HCN1: variants seen among roughly 807,000 people sequenced by gnomAD.
HCN1 encodes potassium/sodium hyperpolarization-activated cyclic nucleotide-gated channel 1.
Under a neutral mutation model 78.9 loss-of-function variants are expected in HCN1, and 13 were observed. That is an observed-to-expected ratio of 0.16 (90% CI 0.11 to 0.26). The LOEUF (loss-of-function observed/expected upper bound fraction) is 0.26, where lower values mean the gene tolerates loss of function less well. Ranked by LOEUF, HCN1 falls within the 10% of genes least tolerant of loss-of-function variation. The probability of loss-of-function intolerance (pLI) is 1.00; values close to 1 mark genes in which losing one functional copy is unlikely to be tolerated. For synonymous variants in HCN1, 552 were observed against 455.5 expected, an observed-to-expected ratio of 1.21 and a Z score of -2.70; for missense variants, 810 against 1,154.3, an observed-to-expected ratio of 0.70 and a Z score of 4.32.
chr5:45,586,612 C>T (rs567058270), intron 2 of HCN1, among the ~76,000 whole-genome samples: 87 of 152,236 alleles, frequency 5.7e-4, no homozygotes, highest in African/African-American at 1.9e-3. Context: ...TCTTCTGTGT[C>T]GCTCAGGCTG....
chr5:45,380,360 A>G (rs1438965319), intron 4 of HCN1, among the ~76,000 whole-genome samples: 1 of 152,146 alleles, frequency 6.6e-6, no homozygotes, highest in East Asian at 1.9e-4. Context: ...CAAAATGGGA[A>G]TTAAGCTTCA....
At chr5:45,524,355 G>T (rs1352725962) in intron 2 of HCN1, among the ~76,000 whole-genome samples, 1 of 152,002 alleles carries the variant, frequency 6.6e-6, no homozygotes, top group Non-Finnish European at 1.5e-5. Context: ...CTCTTTTTTG[G>T]TTCCATATGA....
intron 2 of HCN1, among the ~76,000 whole-genome samples, chr5:45,563,910 A>G (rs1435313627): frequency 2.6e-5 from 4 of 152,118 alleles, no homozygotes; most frequent in Non-Finnish European, 5.9e-5. Context: ...ATTTCTATCT[A>G]TGTCAGTTTC....
At chr5:45,568,432 T>A (rs1454983488) in intron 2 of HCN1, among the ~76,000 whole-genome samples, 1 of 152,030 alleles carries the variant, frequency 6.6e-6, no homozygotes, top group Non-Finnish European at 1.5e-5. Flanking sequence ...TAAATTGGAA[T>A]GAAATAGAAC....
chr5:45,496,684 T>C (rs1288216190), intron 2 of HCN1, among the ~76,000 whole-genome samples: 1 of 152,096 alleles, frequency 6.6e-6, no homozygotes, highest in South Asian at 2.1e-4. Context: ...TTTTGAAGGG[T>C]TTTTTGTGTC....
At chr5:45,357,993 A>G (rs1294921291) in intron 4 of HCN1, among the ~76,000 whole-genome samples, 3 of 151,922 alleles carry the variant, frequency 2.0e-5, no homozygotes, top group Non-Finnish European at 4.4e-5. Flanking sequence ...AGGTCTGTGC[A>G]TACTCCTGCT....
At chr5:45,285,307 A>G (rs1290897245) in intron 6 of HCN1, among the ~76,000 whole-genome samples, 1 of 152,022 alleles carries the variant, frequency 6.6e-6, no homozygotes, top group Non-Finnish European at 1.5e-5. Flanking sequence ...CAAAGAATTG[A>G]ACAATAAATC....
chr5:45,620,929 C>T (rs989803429), intron 2 of HCN1, among the ~76,000 whole-genome samples: 3 of 152,086 alleles, frequency 2.0e-5, no homozygotes, highest in African/African-American at 7.2e-5. Flanking sequence ...GGTTGGGATA[C>T]ATCAATCCTA....
intron 5 of HCN1, among the ~76,000 whole-genome samples, chr5:45,347,515 G>T (rs1229675760): frequency 6.6e-6 from 1 of 152,230 alleles, no homozygotes; most frequent in Non-Finnish European, 1.5e-5. Flanking sequence ...GCTGGATGGA[G>T]AATGACTTTG....
intron 5 of HCN1, among the ~76,000 whole-genome samples, chr5:45,351,695 C>T (rs1411689415): frequency 6.8e-6 from 1 of 146,374 alleles, no homozygotes; most frequent in Non-Finnish European, 1.5e-5. Flanking sequence ...AAACAAACAA[C>T]CCCATCAAAA....
At chr5:45,542,462 A>C (rs1439980507) in intron 2 of HCN1, among the ~76,000 whole-genome samples, 1 of 151,994 alleles carries the variant, frequency 6.6e-6, no homozygotes, top group Non-Finnish European at 1.5e-5. Context: ...ACATAGTTTT[A>C]GCACTATTTT....
chr5:45,490,756 A>T (rs1741864770), intron 2 of HCN1, among the ~76,000 whole-genome samples: 1 of 152,164 alleles, frequency 6.6e-6, no homozygotes, highest in Admixed American at 6.6e-5. Flanking sequence ...TTTTTAAATA[A>T]AAAACTTAAA....
chr5:45,280,111 TC>T (rs1455713293), intron 6 of HCN1, among the ~76,000 whole-genome samples: 1 of 152,156 alleles, frequency 6.6e-6, no homozygotes, highest in Non-Finnish European at 1.5e-5. Flanking sequence ...TTTTACAGCA[TC>T]AACTAAAAAC....
At chr5:45,582,039 T>A (rs1744088158) in intron 2 of HCN1, among the ~76,000 whole-genome samples, 1 of 152,044 alleles carries the variant, frequency 6.6e-6, no homozygotes, top group African/African-American at 2.4e-5. Context: ...TTAAAGTAGG[T>A]TTTTCCAATT....
chr5:45,559,437 G>A (rs1743550140), intron 2 of HCN1: 1 of 152,168 alleles, frequency 6.6e-6, no homozygotes, highest in South Asian at 2.1e-4. Flanking sequence ...TGATTCATGG[G>A]ATGTCAAAAT....
intron 6 of HCN1, among the ~76,000 whole-genome samples, chr5:45,289,668 C>A (rs1745333703): frequency 6.6e-6 from 1 of 151,948 alleles, no homozygotes; most frequent in Admixed American, 6.6e-5. Context: ...GGCTGGAGAG[C>A]AAATATACAG....
chr5:45,284,511 T>A (rs910078728), intron 6 of HCN1, among the ~76,000 whole-genome samples: 4 of 152,150 alleles, frequency 2.6e-5, no homozygotes, highest in Admixed American at 6.6e-5. Context: ...CCAAGGAGAC[T>A]TAGCATCTGT....
intron 2 of HCN1, among the ~76,000 whole-genome samples, chr5:45,530,647 C>T (rs377200183): frequency 7.2e-5 from 11 of 151,958 alleles, no homozygotes; most frequent in African/African-American, 2.7e-4. Context: ...CTAAAGAATA[C>T]TCTTCATGCT....
chr5:45,561,928 T>C (rs1293870406), intron 2 of HCN1, among the ~76,000 whole-genome samples: 1 of 152,174 alleles, frequency 6.6e-6, no homozygotes, highest in Non-Finnish European at 1.5e-5. Flanking sequence ...TTGGAAGCTT[T>C]GTGTTTAAGA....
Sources: gnomAD v4.1 joint callset for allele counts (sites outside exome capture counted in the v4.1 genomes callset) on GRCh38, gnomAD v4.1.1 for gene constraint, MANE v1.5 for transcripts, NCBI Gene and HGNC (gene_info 2026-07-23, HGNC 2026-07-21) for gene names.